The following MAP3K13 variants were observed in gnomAD, a reference collection of about 807,000 sequenced individuals.
The protein encoded by MAP3K13 is mitogen-activated protein kinase kinase kinase 13.
MAP3K13 carries 52 observed loss-of-function variants against 104.0 expected under a neutral mutation model. The ratio of observed to expected loss-of-function variants is 0.50; its 90% CI spans 0.40 to 0.63. The LOEUF (loss-of-function observed/expected upper bound fraction) is 0.63. Among genes scored for constraint, MAP3K13 ranks in the 20% least tolerant of loss-of-function variants. The pLI is 0.00. For missense variants in MAP3K13, 914 were observed against 1,218.5 expected (o/e 0.75, Z 3.72); for synonymous variants, 394 against 442.2 (o/e 0.89, Z 1.37).
At chr3:185,320,144 G>A (rs913425410) in intron 2 of MAP3K13, among the ~76,000 whole-genome samples, 5 of 150,580 alleles carry the variant, frequency 3.3e-5, no homozygotes, top group African/African-American at 9.8e-5. Context: ...GGAGTGGTGC[G>A]ATCTCAGCTC....
At chr3:185,355,591 C>T (rs1388828653) in intron 2 of MAP3K13, among the ~76,000 whole-genome samples, 1 of 152,108 alleles carries the variant, frequency 6.6e-6, no homozygotes, top group African/African-American at 2.4e-5. Flanking sequence ...GCTGAGATCA[C>T]GCTGCTGTAC....
intron 1 of MAP3K13, among the ~76,000 whole-genome samples, chr3:185,380,573 G>A (rs1213287974): frequency 2.6e-5 from 4 of 151,664 alleles, no homozygotes; most frequent in Admixed American, 2.6e-4. Flanking sequence ...AGTCAGAAAT[G>A]TTGAGGGTGG....
intron 2 of MAP3K13, chr3:185,291,731 T>C: frequency 6.6e-7 from 1 of 1,508,482 alleles, no homozygotes; most frequent in Non-Finnish European, 8.8e-7. Context: ...TCATCTGCAT[T>C]AAAGCTCTCC....
intron 11 of MAP3K13, chr3:185,477,062 G>C: frequency 1.7e-6 from 1 of 592,602 alleles, no homozygotes; most frequent in Non-Finnish European, 3.2e-6. Flanking sequence ...CTTTAATAGA[G>C]CCATCACCTC....
chr3:185,312,055 T>C (rs951281481), intron 2 of MAP3K13, among the ~76,000 whole-genome samples: 5 of 152,236 alleles, frequency 3.3e-5, no homozygotes, highest in African/African-American at 1.2e-4. Context: ...AGCCACTGTG[T>C]CTTTGGTATC....
At chr3:185,355,466 CAAAA>C (rs10554957) in intron 2 of MAP3K13, among the ~76,000 whole-genome samples, 9 of 135,944 alleles carry the variant, frequency 6.6e-5, no homozygotes, top group Admixed American at 1.5e-4. Flanking sequence ...AACTCTGTCT[CAAAA>C]AAAAAAAAAA....
chr3:185,414,105 C>T (rs963590275), intron 1 of MAP3K13, among the ~76,000 whole-genome samples: 5 of 152,108 alleles, frequency 3.3e-5, no homozygotes, highest in African/African-American at 7.2e-5. Flanking sequence ...TTCCTGTCTT[C>T]GCCACTTAGT....
intron 2 of MAP3K13, among the ~76,000 whole-genome samples, chr3:185,303,975 A>G (rs1419925648): frequency 6.6e-6 from 1 of 151,774 alleles, no homozygotes; most frequent in East Asian, 1.9e-4. Context: ...TTTCCCCCTT[A>G]GTACTACTTT....
intron 1 of MAP3K13, among the ~76,000 whole-genome samples, chr3:185,374,453 A>G (rs1043392706): frequency 6.6e-6 from 1 of 152,110 alleles, no homozygotes; most frequent in East Asian, 1.9e-4. Context: ...TGTTAGAAGA[A>G]ACATTTGTCA....
At chr3:185,410,208 C>G (rs981952120) in intron 1 of MAP3K13, among the ~76,000 whole-genome samples, 3 of 152,088 alleles carry the variant, frequency 2.0e-5, no homozygotes, top group African/African-American at 7.2e-5. Context: ...GCTGGGGATC[C>G]CTGGCCTAGA....
At chr3:185,283,623 A>G (rs530592342) in intron 1 of MAP3K13, among the ~76,000 whole-genome samples, 2 of 152,336 alleles carry the variant, frequency 1.3e-5, no homozygotes, top group South Asian at 4.1e-4. Context: ...ATGCTGGTGC[A>G]GGAGATACCC....
At chr3:185,390,588 C>A (rs1306131163) in intron 1 of MAP3K13, among the ~76,000 whole-genome samples, 3 of 151,382 alleles carry the variant, frequency 2.0e-5, no homozygotes, top group Non-Finnish European at 4.4e-5. Context: ...AGCTTTATCT[C>A]CTAAGTTTCT....
chr3:185,403,842 C>A (rs1712956511), intron 1 of MAP3K13, among the ~76,000 whole-genome samples: 1 of 152,182 alleles, frequency 6.6e-6, no homozygotes. Context: ...TTATTTATAT[C>A]TTTCTTTAAA....
At chr3:185,378,431 C>T (rs902993984) in intron 1 of MAP3K13, among the ~76,000 whole-genome samples, 17 of 152,118 alleles carry the variant, frequency 1.1e-4, no homozygotes, top group African/African-American at 3.9e-4. Flanking sequence ...CTTGACTATG[C>T]CTTTAGCTCC....
At chr3:185,320,320 A>G (rs1241437801) in intron 2 of MAP3K13, among the ~76,000 whole-genome samples, 2 of 152,148 alleles carry the variant, frequency 1.3e-5, no homozygotes, top group Non-Finnish European at 2.9e-5. Flanking sequence ...ACCTCAGGTG[A>G]TCCACCCACC....
At chr3:185,329,884 G>A (rs1353100851) in intron 2 of MAP3K13, among the ~76,000 whole-genome samples, 1 of 143,988 alleles carries the variant, frequency 6.9e-6, no homozygotes, top group African/African-American at 2.5e-5. Flanking sequence ...GGTCGAATTA[G>A]CCAGTAGCCT....
chr3:185,421,041 G>A (rs1208628762), intron 1 of MAP3K13, among the ~76,000 whole-genome samples: 1 of 152,220 alleles, frequency 6.6e-6, no homozygotes, highest in East Asian at 1.9e-4. Flanking sequence ...CTCAAGGGCA[G>A]ATACGGGAGC....
chr3:185,341,303 G>C (rs1481793012), intron 2 of MAP3K13, among the ~76,000 whole-genome samples: 1 of 152,142 alleles, frequency 6.6e-6, no homozygotes, highest in Non-Finnish European at 1.5e-5. Context: ...TAAAGACAGA[G>C]GTTGAGACTG....
chr3:185,290,970 T>G (rs1213792467), intron 2 of MAP3K13, among the ~76,000 whole-genome samples: 1 of 152,216 alleles, frequency 6.6e-6, no homozygotes, highest in Non-Finnish European at 1.5e-5. Flanking sequence ...AGGCCTCTGA[T>G]AATTATTTAC....
Sources: allele counts gnomAD v4.1 joint callset (sites outside exome capture counted in the v4.1 genomes callset), GRCh38; gene constraint gnomAD v4.1.1; transcripts MANE v1.5; gene names NCBI Gene and HGNC (gene_info 2026-07-23, HGNC 2026-07-21).